PTK2: variants seen among roughly 807,000 people sequenced by gnomAD.
PTK2 encodes the protein protein tyrosine kinase 2, also known as focal adhesion kinase 1.
PTK2 carries 45 observed loss-of-function variants against 150.1 expected under a neutral mutation model. The observed-to-expected ratio is 0.30, with a 90% CI of 0.24 to 0.38. PTK2 has a LOEUF of 0.38. Among genes scored for constraint, PTK2 ranks in the 10% least tolerant of loss-of-function variants. The pLI, the probability that PTK2 is intolerant of heterozygous loss-of-function variation, is 1.00. For synonymous variants in PTK2, 432 were observed against 449.2 expected, an observed-to-expected ratio of 0.96 and a Z score of 0.48; for missense variants, 919 against 1,307.3, an observed-to-expected ratio of 0.70 and a Z score of 4.58.
intron 1 of PTK2, among the ~76,000 whole-genome samples, chr8:140,999,515 T>A (rs1029203895): frequency 1.3e-5 from 2 of 152,234 alleles, no homozygotes; most frequent in African/African-American, 4.8e-5. Context: ...ATCCTTAAAA[T>A]GTTCCTTGTT....
At chr8:140,948,172 A>G (rs935949994) in intron 1 of PTK2, among the ~76,000 whole-genome samples, 43 of 152,278 alleles carry the variant, frequency 2.8e-4, no homozygotes, top group African/African-American at 9.6e-4. Flanking sequence ...AGAAACAAAT[A>G]CCGGAGAAAA....
At chr8:140,662,313 A>G (rs74872910) in intron 31 of PTK2, among the ~76,000 whole-genome samples, 1 of 152,068 alleles carries the variant, frequency 6.6e-6, no homozygotes, top group Admixed American at 6.6e-5. Flanking sequence ...AAAAAAATTA[A>G]TAATTAAAAA....
At chr8:140,755,508 C>T (rs930281393) in intron 16 of PTK2, among the ~76,000 whole-genome samples, 4 of 152,214 alleles carry the variant, frequency 2.6e-5, no homozygotes, top group Non-Finnish European at 5.9e-5. Flanking sequence ...CTGCCTAGAA[C>T]AGGCTTCCCC....
chr8:140,733,134 G>T (rs376042392), intron 22 of PTK2, among the ~76,000 whole-genome samples: 1 of 152,186 alleles, frequency 6.6e-6, no homozygotes, highest in East Asian at 1.9e-4. Context: ...GGAAAAGAGC[G>T]TGGGATGGAG....
chr8:140,747,716 GGGAGGAGGGGGAGGAAGGAAGTA>G (rs1289731261), intron 17 of PTK2, among the ~76,000 whole-genome samples: 14 of 87,754 alleles, frequency 1.6e-4, no homozygotes, highest in Non-Finnish European at 3.1e-4. Flanking sequence ...GGGGGAGGAA[GGGAGGAGGGGGAGGAAGGAAGTA>G]GGAGGAGGGG....
At chr8:140,947,100 T>C (rs2100177952) in intron 1 of PTK2, among the ~76,000 whole-genome samples, 1 of 152,154 alleles carries the variant, frequency 6.6e-6, no homozygotes, top group Non-Finnish European at 1.5e-5. Context: ...AATTTAACTG[T>C]CACCAATCTC....
chr8:140,725,843 A>AC (rs1489727927), intron 22 of PTK2, among the ~76,000 whole-genome samples: 1 of 147,766 alleles, frequency 6.8e-6, no homozygotes, highest in Non-Finnish European at 1.5e-5. Context: ...TCCTTGATAT[A>AC]CAAAAAAAAA....
chr8:140,668,487 C>G (rs2093706773), intron 29 of PTK2, 63 bp from the exon 34 acceptor site: 1 of 1,530,460 alleles, frequency 6.5e-7, no homozygotes, highest in South Asian at 1.3e-5. Flanking sequence ...TCACCACAAT[C>G]AAGCTAGAGA....
intron 2 of PTK2, among the ~76,000 whole-genome samples, chr8:140,897,783 A>G (rs2100156876): frequency 6.6e-6 from 1 of 152,176 alleles, no homozygotes; most frequent in Non-Finnish European, 1.5e-5. Context: ...CTAAAGTTGA[A>G]CAGCTGGGGC....
chr8:140,999,012 A>C (rs955468622), intron 1 of PTK2, among the ~76,000 whole-genome samples: 2 of 152,126 alleles, frequency 1.3e-5, no homozygotes, highest in Non-Finnish European at 2.9e-5. Context: ...GCCTCCTCAC[A>C]ATTTCACTGC....
chr8:140,759,850 C>T (rs2100068347), intron 16 of PTK2, among the ~76,000 whole-genome samples: 1 of 148,096 alleles, frequency 6.8e-6, no homozygotes, highest in Non-Finnish European at 1.5e-5. Flanking sequence ...CTCTCACCCA[C>T]ACACACACAC....
At chr8:140,879,526 C>T (rs2100147678) in exon 4 of PTK2, 2 of 1,613,642 alleles carry the variant, frequency 1.2e-6, no homozygotes, top group Non-Finnish European at 1.7e-6. Context: ...CTGGAGACGC[C>T]CATATCCACG....
chr8:140,892,091 C>T (rs1005082009), intron 2 of PTK2, among the ~76,000 whole-genome samples: 2 of 152,250 alleles, frequency 1.3e-5, no homozygotes, highest in Admixed American at 6.5e-5. Flanking sequence ...TCCTGTAGTC[C>T]CAGCTACTCA....
chr8:140,729,071 T>C (rs2100047663), intron 22 of PTK2, among the ~76,000 whole-genome samples: 1 of 151,756 alleles, frequency 6.6e-6, no homozygotes, highest in African/African-American at 2.4e-5. Context: ...TGAGAAGCGA[T>C]ATGAAAAAAA....
At chr8:140,819,049 G>T (rs1222061087) in intron 8 of PTK2, 29 bp from the exon 9 acceptor site, 3 of 1,605,592 alleles carry the variant, frequency 1.9e-6, no homozygotes, top group African/African-American at 2.7e-5. Context: ...AAAACATCTT[G>T]TAAAAATCAG....
At chr8:140,680,676 A>T (rs1188146701) in intron 27 of PTK2, among the ~76,000 whole-genome samples, 1 of 152,168 alleles carries the variant, frequency 6.6e-6, no homozygotes, top group Non-Finnish European at 1.5e-5. Flanking sequence ...TTTCACACCG[A>T]TTCTCACTCC....
intron 26 of PTK2, among the ~76,000 whole-genome samples, chr8:140,687,669 CT>C (rs2100020769): frequency 6.6e-6 from 1 of 152,168 alleles, no homozygotes; most frequent in Non-Finnish European, 1.5e-5. Context: ...AATTCCAGTG[CT>C]GTAGCCCAAA....
chr8:140,860,630 G>A (rs1176982749), intron 5 of PTK2, among the ~76,000 whole-genome samples: 1 of 152,146 alleles, frequency 6.6e-6, no homozygotes, highest in Admixed American at 6.5e-5. Context: ...GTACCACCAT[G>A]CTCTGCTAAT....
chr8:140,732,735 T>C (rs1217902103), intron 22 of PTK2: 1 of 332,204 alleles, frequency 3.0e-6, no homozygotes, highest in African/African-American at 2.3e-5. Context: ...CGAACTGAAT[T>C]GAACACGGGT....
Sources: gnomAD v4.1 joint callset for allele counts (sites outside exome capture counted in the v4.1 genomes callset) on GRCh38, gnomAD v4.1.1 for gene constraint, MANE v1.5 for transcripts, NCBI Gene and HGNC (gene_info 2026-07-23, HGNC 2026-07-21) for gene names.